Variants in CDH13 observed in about 807,000 individuals in gnomAD.
CDH13 encodes the protein cadherin 13.
Under a neutral mutation model 63.8 loss-of-function variants are expected in CDH13, and 24 were observed. The ratio of observed to expected loss-of-function variants is 0.38; its 90% CI spans 0.27 to 0.53. The LOEUF (loss-of-function observed/expected upper bound fraction) is 0.53. CDH13 is among the 20% of genes least tolerant of loss of function. The pLI, the probability that CDH13 is intolerant of heterozygous loss-of-function variation, is 0.85. For synonymous variants in CDH13, 503 were observed against 355.3 expected, an observed-to-expected ratio of 1.42 and a Z score of -4.67; for missense variants, 1,049 against 903.1, an observed-to-expected ratio of 1.16 and a Z score of -2.07.
chr16:82,733,963 G>C (rs2151040838), intron 1 of CDH13, among the ~76,000 whole-genome samples: 1 of 152,340 alleles, frequency 6.6e-6, no homozygotes, highest in Admixed American at 6.5e-5. Flanking sequence ...TTAGGGAAAA[G>C]AGAGGATGAC....
intron 1 of CDH13, among the ~76,000 whole-genome samples, chr16:82,816,169 T>A (rs565588509): frequency 1.7e-4 from 26 of 152,206 alleles, no homozygotes; most frequent in African/African-American, 6.0e-4. Context: ...CTTACGTACA[T>A]ACAAGGAGCC....
intron 6 of CDH13, among the ~76,000 whole-genome samples, chr16:83,466,975 A>G (rs1249577448): frequency 6.6e-6 from 1 of 152,076 alleles, no homozygotes; most frequent in Non-Finnish European, 1.5e-5. Context: ...TCTCCTCCTG[A>G]TAGTCTCTGC....
intron 7 of CDH13, among the ~76,000 whole-genome samples, chr16:83,599,314 C>T (rs572344896): frequency 5.9e-5 from 9 of 152,324 alleles, no homozygotes; most frequent in Admixed American, 2.6e-4. Context: ...TTTGCTTCAC[C>T]GCGCAATGTC....
At chr16:83,195,926 G>C (rs913189865) in intron 4 of CDH13, among the ~76,000 whole-genome samples, 1 of 152,108 alleles carries the variant, frequency 6.6e-6, no homozygotes, top group African/African-American at 2.4e-5. Flanking sequence ...GGCAAGAAAT[G>C]AACCTCAACC....
chr16:82,945,365 C>T (rs1376777322), intron 2 of CDH13, among the ~76,000 whole-genome samples: 1 of 152,160 alleles, frequency 6.6e-6, no homozygotes, highest in Non-Finnish European at 1.5e-5. Context: ...GGTCAAGCCT[C>T]AGTGTAGGTC....
chr16:83,016,759 AAG>A (rs1914840033), intron 2 of CDH13, among the ~76,000 whole-genome samples: 1 of 152,078 alleles, frequency 6.6e-6, no homozygotes, highest in Admixed American at 6.6e-5. Context: ...CTCTGCTTAG[AAG>A]CATTCTAGAT....
chr16:82,873,372 C>G (rs1323829471), intron 2 of CDH13, among the ~76,000 whole-genome samples: 1 of 152,216 alleles, frequency 6.6e-6, no homozygotes, highest in Non-Finnish European at 1.5e-5. Context: ...AGTGGTGTTA[C>G]AATCCTCTGA....
chr16:83,045,868 T>G (rs1451626833), intron 3 of CDH13, among the ~76,000 whole-genome samples: 1 of 152,230 alleles, frequency 6.6e-6, no homozygotes, highest in Non-Finnish European at 1.5e-5. Context: ...CATCCAAAGT[T>G]TTCAGGCAGA....
chr16:83,119,780 G>A (rs2035481562), intron 3 of CDH13, among the ~76,000 whole-genome samples: 2 of 152,018 alleles, frequency 1.3e-5, no homozygotes, highest in South Asian at 2.1e-4. Context: ...GTTCTTACAC[G>A]GTCCCAGTCA....
At chr16:83,329,202 A>T (rs1003397080) in intron 5 of CDH13, among the ~76,000 whole-genome samples, 3 of 152,120 alleles carry the variant, frequency 2.0e-5, no homozygotes, top group African/African-American at 4.8e-5. Context: ...GATGAATCCC[A>T]TGCAAATTAA....
intron 1 of CDH13, among the ~76,000 whole-genome samples, chr16:82,760,167 G>A (rs2034777511): frequency 6.6e-6 from 1 of 152,110 alleles, no homozygotes; most frequent in South Asian, 2.1e-4. Flanking sequence ...TTTCAGGGCT[G>A]CTCCACACAT....
intron 6 of CDH13, among the ~76,000 whole-genome samples, chr16:83,442,551 A>G (rs1445700894): frequency 5.3e-4 from 1 of 1,880 alleles, no homozygotes; most frequent in East Asian, 0.042. Flanking sequence ...TTCACATTGC[A>G]AGTTTTTTTT....
intron 1 of CDH13, among the ~76,000 whole-genome samples, chr16:82,698,385 G>A (rs1297403286): frequency 2.0e-5 from 3 of 152,218 alleles, no homozygotes; most frequent in South Asian, 2.1e-4. Flanking sequence ...GGAAGAGAAT[G>A]TATCAGGTAG....
chr16:82,651,630 T>C (rs1673391331), intron 1 of CDH13, among the ~76,000 whole-genome samples: 1 of 152,194 alleles, frequency 6.6e-6, no homozygotes, highest in African/African-American at 2.4e-5. Context: ...GTTTTTCCAC[T>C]TTACAGTGAG....
chr16:82,686,096 C>G (rs1915042544), intron 1 of CDH13, among the ~76,000 whole-genome samples: 1 of 152,176 alleles, frequency 6.6e-6, no homozygotes, highest in Non-Finnish European at 1.5e-5. Flanking sequence ...CTTCCACACC[C>G]TTCTCAGAAA....
intron 8 of CDH13, among the ~76,000 whole-genome samples, chr16:83,670,532 C>G (rs1432580389): frequency 6.6e-6 from 1 of 152,172 alleles, no homozygotes; most frequent in East Asian, 1.9e-4. Context: ...TTTTCACCCT[C>G]CCACCACAGA....
In CDH13 at chr16:83,080,412, A is replaced by G. The variant is rs147112258; in HGVS notation, c.367-44973A>G. Among the ~76,000 whole-genome samples, 230 of 152,360 alleles carry G rather than the reference A, an allele frequency of 1.5e-3. 1 individual carries two copies. The highest frequency in any genetic ancestry group is 5.2e-3 in the African/African-American group (216 of 41,576). On this transcript the variant is annotated intron_variant, in intron 3 of 13. Transcript: ENST00000567109. ...TTATTCAAGAATTAAATGAATAAGA[A>G]TAGGGATTTCAACTACGTTCTATCC...
chr16:83,210,285 G>C (rs1212694338), intron 4 of CDH13, among the ~76,000 whole-genome samples: 1 of 151,834 alleles, frequency 6.6e-6, no homozygotes, highest in Non-Finnish European at 1.5e-5. Context: ...AGCTGGTCTT[G>C]AACTCCTGAC....
chr16:83,230,757 A>C (rs554686991), intron 5 of CDH13, among the ~76,000 whole-genome samples: 1 of 152,212 alleles, frequency 6.6e-6, no homozygotes, highest in Non-Finnish European at 1.5e-5. Context: ...ATTGCTCTCC[A>C]GTCTGGTGAC....
Sources: gnomAD v4.1 joint callset for allele counts (sites outside exome capture counted in the v4.1 genomes callset) on GRCh38, gnomAD v4.1.1 for gene constraint, MANE v1.5 for transcripts, NCBI Gene and HGNC (gene_info 2026-07-23, HGNC 2026-07-21) for gene names.